The following ADGRL2 variants were observed in gnomAD, a reference collection of about 807,000 sequenced individuals.
ADGRL2 encodes adhesion G protein-coupled receptor L2, also known as calcium-independent alpha-latrotoxin receptor 2.
In ADGRL2, 44 loss-of-function variants were observed where a neutral mutation model predicts 157.4. The ratio of observed to expected loss-of-function variants is 0.28; its 90% CI spans 0.22 to 0.36. The LOEUF (loss-of-function observed/expected upper bound fraction) is 0.36, where lower values mean the gene tolerates loss of function less well. Among genes scored for constraint, ADGRL2 ranks in the 10% least tolerant of loss-of-function variants. ADGRL2 has a pLI of 1.00. For missense variants in ADGRL2, 1,510 were observed against 1,768.9 expected (o/e 0.85, Z 2.63); for synonymous variants, 585 against 624.7 (o/e 0.94, Z 0.95).
At position 81,848,603 on chromosome 1, in the gene ADGRL2, T is replaced by C. The variant is rs1192733082; in HGVS notation, c.73+11546T>C. Among the ~76,000 whole-genome samples the C allele has an allele frequency of 2.0e-5, 3 of 151,944 alleles. No homozygotes were observed. In the East Asian group the frequency reaches 5.8e-4, roughly 29 times the overall value. On this transcript the variant is annotated intron_variant, in intron 2 of 23. Coordinates refer to ENST00000686636, the MANE Select transcript of ADGRL2 (RefSeq NM_001366006.2). ...GTAATTATCAAACGAGCTAATTATG[T>C]CAGTTTTCTTAATGTTTATTACCAT... is the stretch of plus-strand genomic sequence containing the variant.
chr1:81,493,041 A>G (rs2078664838), intron 2 of ADGRL2, among the ~76,000 whole-genome samples: 1 of 152,202 alleles, frequency 6.6e-6, no homozygotes, highest in South Asian at 2.1e-4. Flanking sequence ...AACCTGAAAG[A>G]AGAAAACTCC....
At chr1:81,987,463 C>A in intron 22 of ADGRL2, 1 of 769,954 alleles carries the variant, frequency 1.3e-6, no homozygotes, top group Non-Finnish European at 2.4e-6. Context: ...CCACATTCAG[C>A]CTATCAATAT....
chr1:81,962,171 C>G (rs1655643327), intron 11 of ADGRL2, among the ~76,000 whole-genome samples: 1 of 152,132 alleles, frequency 6.6e-6, no homozygotes, highest in African/African-American at 2.4e-5. Flanking sequence ...CCAGTAATAC[C>G]ATTACTAGTT....
At chr1:81,859,999 C>T (rs1217330462) in intron 2 of ADGRL2, among the ~76,000 whole-genome samples, 2 of 151,542 alleles carry the variant, frequency 1.3e-5, no homozygotes, top group South Asian at 2.1e-4. Context: ...CCGAGGCGGG[C>T]GAATCACAAG....
At chr1:81,888,715 G>A (rs1054261777) in intron 2 of ADGRL2, among the ~76,000 whole-genome samples, 7 of 152,122 alleles carry the variant, frequency 4.6e-5, no homozygotes, top group African/African-American at 7.2e-5. Flanking sequence ...GCCTCCCAAA[G>A]TGCTGGGATT....
upstream of ADGRL2, among the ~76,000 whole-genome samples, chr1:81,699,045 T>G: frequency 6.6e-6 from 1 of 152,168 alleles, no homozygotes; most frequent in East Asian, 1.9e-4. Context: ...CTAACACATG[T>G]ATTTGGTTTG....
At position 81,351,671 on chromosome 1, in the gene ADGRL2, G is replaced by C. The variant is rs537904321; in HGVS notation, c.-302+45162G>C. 5.3e-5 allele frequency among the ~76,000 whole-genome samples: 8 copies of C among 152,192 alleles called. No individual in the cohort carries two copies. The East Asian group carries it at 1.5e-3, about 29-fold the overall frequency. ...CCAGCAAGTATGTGGAAGGAGGTTT[G>C]AATCCTAGATGGAAGGTGCTGAATA... On this transcript the variant is annotated intron_variant, in intron 1 of 24. Coordinates refer to the ADGRL2 transcript ENST00000370721.
intron 2 of ADGRL2, among the ~76,000 whole-genome samples, chr1:81,576,560 G>T (rs776642450): frequency 6.6e-6 from 1 of 152,030 alleles, no homozygotes; most frequent in Non-Finnish European, 1.5e-5. Context: ...CTGGGTTACC[G>T]GGTGTGCAGC....
chr1:81,748,383 C>A (rs974162707), intron 1 of ADGRL2, among the ~76,000 whole-genome samples: 17 of 146,740 alleles, frequency 1.2e-4, no homozygotes, highest in African/African-American at 4.3e-4. Flanking sequence ...GAAGGAGAAT[C>A]GCTTGAACCC....
intron 11 of ADGRL2, among the ~76,000 whole-genome samples, chr1:81,963,572 CT>C (rs1239566831): frequency 6.6e-6 from 1 of 151,692 alleles, no homozygotes; most frequent in Non-Finnish European, 1.5e-5. Context: ...AAGAATTTTT[CT>C]TTAATTCACA....
intron 3 of ADGRL2, among the ~76,000 whole-genome samples, chr1:81,634,648 C>T (rs541974336): frequency 1.3e-5 from 2 of 151,958 alleles, no homozygotes; most frequent in South Asian, 2.1e-4. Context: ...CCCAGCCTCC[C>T]GAGTAGCTGG....
chr1:81,368,035 A>G (rs889633930), intron 1 of ADGRL2, among the ~76,000 whole-genome samples: 35 of 152,216 alleles, frequency 2.3e-4, no homozygotes, highest in African/African-American at 7.2e-4. Context: ...TCCTTTGGGT[A>G]TATACCTACT....
Position 81,991,292 on chromosome 1 carries a change from A to G in ADGRL2, c.*147A>G. The G allele has an allele frequency of 1.5e-6, 1 of 659,008 alleles. No individual in the cohort carries two copies. Among genetic ancestry groups the G allele is most frequent in the East Asian group, 2.7e-5 (1 of 37,632 alleles). The allele number at this position is 659,008 out of a possible 1,614,324, so 40.8% of individuals were successfully genotyped here. Reference sequence around the variant, plus strand: ...TGTAAAAAAGATGACTGAACCTTGCAGTTCTGTGAATTTTTATAAAACATA... The same window carrying G: ...TGTAAAAAAGATGACTGAACCTTGCGGTTCTGTGAATTTTTATAAAACATA... On this transcript the variant is annotated 3_prime_UTR_variant, in exon 24 of 24. Coordinates refer to ENST00000686636, the MANE Select transcript of ADGRL2 (RefSeq NM_001366006.2).
At chr1:81,309,327 C>T (rs1469907029) in intron 1 of ADGRL2, among the ~76,000 whole-genome samples, 1 of 152,110 alleles carries the variant, frequency 6.6e-6, no homozygotes, top group Non-Finnish European at 1.5e-5. Context: ...TAAATTTGTA[C>T]ACCACCACTA....
At chr1:81,866,442 T>G (rs574133416) in intron 2 of ADGRL2, among the ~76,000 whole-genome samples, 13 of 152,286 alleles carry the variant, frequency 8.5e-5, no homozygotes, top group Non-Finnish European at 1.5e-4. Flanking sequence ...TTTCATAGAA[T>G]AGTACTTGGC....
At chr1:81,380,194 G>A (rs952542379) in intron 1 of ADGRL2, among the ~76,000 whole-genome samples, 15 of 152,166 alleles carry the variant, frequency 9.9e-5, no homozygotes, top group African/African-American at 3.4e-4. Flanking sequence ...GACTGCTAAT[G>A]AAGTGGACGT....
At chr1:81,603,969 T>TTA (rs1480189731) in intron 3 of ADGRL2, among the ~76,000 whole-genome samples, 127 of 149,946 alleles carry the variant, frequency 8.5e-4, no homozygotes, top group African/African-American at 3.0e-3. Flanking sequence ...CTTTTTCTTT[T>TTA]TTTTTTTTTT....
In ADGRL2 at chr1:81,952,974, T is replaced by C. The variant is rs764913353; in HGVS notation, c.1795-13T>C. 6 of 1,608,568 alleles carry C rather than the reference T, an allele frequency of 3.7e-6. No individual in the cohort carries two copies. Among genetic ancestry groups the C allele is most frequent in the Non-Finnish European group, 5.1e-6 (6 of 1,176,328 alleles). The stretch of plus-strand genomic sequence containing the variant: ...AATCTAACCTCTGATTTTTCTTTTC[T>C]TTTACTTAAAAGCTCCAAAAACGAG... On this transcript the variant is annotated splice_polypyrimidine_tract_variant and intron_variant, in intron 9 of 23. Coordinates refer to ENST00000686636, the MANE Select transcript of ADGRL2 (RefSeq NM_001366006.2).
intron 2 of ADGRL2, among the ~76,000 whole-genome samples, chr1:81,460,334 A>G (rs929284341): frequency 2.6e-5 from 4 of 151,904 alleles, no homozygotes; most frequent in African/African-American, 9.7e-5. Flanking sequence ...TTTTGTGTCT[A>G]TTATATATCA....
Sources: allele counts gnomAD v4.1 joint callset (sites outside exome capture counted in the v4.1 genomes callset), GRCh38; gene constraint gnomAD v4.1.1; transcripts MANE v1.5; gene names NCBI Gene and HGNC (gene_info 2026-07-23, HGNC 2026-07-21).